The following ZBTB44 variants were observed in gnomAD, a reference collection of about 807,000 sequenced individuals.
ZBTB44 encodes the protein zinc finger and BTB domain containing 44.
Under a neutral mutation model 54.0 loss-of-function variants are expected in ZBTB44, and 15 were observed. That is an observed-to-expected ratio of 0.28 (90% CI 0.19 to 0.43). ZBTB44 has a LOEUF of 0.43. Ranked by LOEUF, ZBTB44 falls within the 20% of genes least tolerant of loss-of-function variation. ZBTB44 has a pLI of 1.00. For missense variants in ZBTB44, 487 were observed against 707.1 expected, an observed-to-expected ratio of 0.69 and a Z score of 3.53; for synonymous variants, 230 against 250.1, an observed-to-expected ratio of 0.92 and a Z score of 0.76.
chr11:130,276,358 C>T (rs934658544), intron 1 of ZBTB44, among the ~76,000 whole-genome samples: 4 of 151,724 alleles, frequency 2.6e-5, no homozygotes, highest in African/African-American at 9.7e-5. Context: ...TGAAGTGTTC[C>T]ATAGATGTCA....
intron 5 of ZBTB44, 141 bp from the exon 6 acceptor site, chr11:130,234,414 A>G: frequency 9.9e-7 from 1 of 1,009,926 alleles, no homozygotes; most frequent in South Asian, 2.2e-5. Context: ...AAACTCAGGA[A>G]CTTTCAACTT....
intron 2 of ZBTB44, among the ~76,000 whole-genome samples, chr11:130,246,938 C>A (rs769056241): frequency 6.6e-6 from 1 of 152,168 alleles, no homozygotes; most frequent in Non-Finnish European, 1.5e-5. Flanking sequence ...CCCCATCTCT[C>A]GCTGGCTAAT....
At chr11:130,287,717 G>T (rs1941049843) in intron 1 of ZBTB44, among the ~76,000 whole-genome samples, 1 of 152,112 alleles carries the variant, frequency 6.6e-6, no homozygotes, top group African/African-American at 2.4e-5. Context: ...TTGGAGAAAT[G>T]GAAAAACTTT....
In ZBTB44 at chr11:130,238,495, C is replaced by T; in HGVS notation, c.1216G>A (p.Val406Met). The change falls in exon 4 of 8, where the codon GTG (valine) becomes ATG (methionine). Residue 406 changes from valine (V) to methionine (M), a missense_variant. Val to Met is a conservative substitution (Grantham distance 21). This residue lies in a region of ZBTB44 where 120 missense variants were observed against 240.3 expected (regional missense o/e 0.50). Transcript: ENST00000357899. ...AGGTTCTGAATACGGGTGAATCGCA[C>T]CCCGCAGGTTGGACACTGAAAAGGT... is the stretch of plus-strand genomic sequence containing the variant. ...DRPFQCPTCG[V>M]RFTRIQNLKQ... The T allele has an allele frequency of 1.2e-6, 2 of 1,609,184 alleles. No homozygotes were observed. The highest frequency in any genetic ancestry group is 1.1e-5 in the South Asian group (1 of 89,762).
At chr11:130,233,785 T>G (rs1953985961) in intron 6 of ZBTB44, 1 of 1,163,258 alleles carries the variant, frequency 8.6e-7, no homozygotes, top group Non-Finnish European at 1.1e-6. Flanking sequence ...TTCAACATCA[T>G]GTTATTGTGT....
At position 130,299,708 on chromosome 11, in the gene ZBTB44, G is replaced by T. The variant is rs185047816; in HGVS notation, c.-57+14667C>A. 8.5e-3 allele frequency among the ~76,000 whole-genome samples: 1,284 copies of T among 151,260 alleles called. 7 individuals are homozygous for T. The highest frequency in any genetic ancestry group is 0.014 in the Non-Finnish European group (918 of 67,900). On this transcript the variant is annotated intron_variant, in intron 1 of 7. Transcript: ENST00000357899. ...ATTAAAATCCTTGTGCATGGTTGGT[G>T]GGAATGTAAAATGGCATAGCCACTA...
intron 3 of ZBTB44, 101 bp downstream of exon 3, chr11:130,239,711 G>T: frequency 1.1e-6 from 1 of 881,760 alleles, no homozygotes. Flanking sequence ...ATACTGAAGT[G>T]AGGTTGTAAT....
chr11:130,238,584 T>C lies in ZBTB44; in HGVS notation c.1127A>G (p.Tyr376Cys). 6.2e-7 allele frequency: 1 copy of C among 1,611,834 alleles called. No homozygotes were observed. The highest frequency in any genetic ancestry group is 8.5e-7 in the Non-Finnish European group (1 of 1,179,264). The change falls in exon 4 of 8, where the codon TAC becomes TGC. Residue 376 changes from tyrosine (Y) to cysteine (C), a missense_variant. Transcript: ENST00000357899. ...DDRLENVQYP[Y>C]QLYIAPSTSS... ...GGTGGAAGGAGCAATGTAGAGTTGG[T>C]AGGGATACTGAACATTTTCCAATCT...
At chr11:130,237,121 A>G in intron 4 of ZBTB44, 28 bp from the exon 5 acceptor site, 1 of 1,454,020 alleles carries the variant, frequency 6.9e-7, no homozygotes, top group Non-Finnish European at 9.1e-7. Context: ...CAAAATATCT[A>G]AAAACAAAAA....
intron 1 of ZBTB44, among the ~76,000 whole-genome samples, chr11:130,303,401 C>T (rs1302188623): frequency 6.6e-6 from 1 of 152,204 alleles, no homozygotes; most frequent in Non-Finnish European, 1.5e-5. Context: ...TTTAGGAGGC[C>T]GAGGTGGGTG....
chr11:130,240,380 C>A (rs1271503787), intron 2 of ZBTB44, among the ~76,000 whole-genome samples: 3 of 151,946 alleles, frequency 2.0e-5, no homozygotes, highest in South Asian at 4.1e-4. Flanking sequence ...TAAAGAAAAA[C>A]CACATGTAAG....
chr11:130,287,898 T>A (rs1206989468), intron 1 of ZBTB44, among the ~76,000 whole-genome samples: 3 of 151,312 alleles, frequency 2.0e-5, no homozygotes, highest in Non-Finnish European at 1.5e-5. Flanking sequence ...ATTTAAAAAA[T>A]TATTCACCTA....
chr11:130,270,264 C>T (rs1939571030), intron 1 of ZBTB44, among the ~76,000 whole-genome samples: 1 of 152,176 alleles, frequency 6.6e-6, no homozygotes, highest in Non-Finnish European at 1.5e-5. Flanking sequence ...TGAGATCACT[C>T]ACTCGCAGCT....
intron 3 of ZBTB44, 184 bp from the exon 4 acceptor site, chr11:130,238,791 TTG>T (rs2136285679): frequency 1.8e-5 from 12 of 680,646 alleles, no homozygotes; most frequent in South Asian, 5.5e-5. Context: ...AGAATGCCTT[TTG>T]TTTTTTTTTT....
chr11:130,259,524 T>C (rs1938694117), intron 2 of ZBTB44, among the ~76,000 whole-genome samples: 1 of 152,220 alleles, frequency 6.6e-6, no homozygotes, highest in Non-Finnish European at 1.5e-5. Flanking sequence ...TGCGGCACTA[T>C]TCACAATAGC....
intron 2 of ZBTB44, among the ~76,000 whole-genome samples, chr11:130,252,934 A>T (rs1938140271): frequency 2.0e-5 from 3 of 152,246 alleles, no homozygotes; most frequent in Non-Finnish European, 4.4e-5. Flanking sequence ...AACGTAATCC[A>T]GCATATAAAC....
At chr11:130,272,422 C>T (rs185845884) in intron 1 of ZBTB44, among the ~76,000 whole-genome samples, 1 of 152,274 alleles carries the variant, frequency 6.6e-6, no homozygotes, top group Admixed American at 6.5e-5. Context: ...TCTTCCTTGT[C>T]CATTTGGAGC....
chr11:130,240,041 A>AT (rs11449622), intron 2 of ZBTB44, 145 bp from the exon 3 acceptor site: 117,586 of 320,612 alleles, frequency 0.37, 14,844 homozygotes, highest in Admixed American at 0.49. Flanking sequence ...AGTGTTCTAC[A>AT]TTTTTTTTTT....
chr11:130,279,776 G>A (rs1407713905), intron 1 of ZBTB44, among the ~76,000 whole-genome samples: 1 of 152,092 alleles, frequency 6.6e-6, no homozygotes, highest in Non-Finnish European at 1.5e-5. Flanking sequence ...TCTTATTCTG[G>A]TCTTTTCTAT....
Sources: allele counts gnomAD v4.1 joint callset (sites outside exome capture counted in the v4.1 genomes callset), GRCh38; gene constraint gnomAD v4.1.1; regional missense constraint gnomAD v4.1.1; transcripts MANE v1.5; gene names NCBI Gene and HGNC (gene_info 2026-07-23, HGNC 2026-07-21).